Variants in ZYG11A observed in about 807,000 individuals in gnomAD.
The protein encoded by ZYG11A is protein zyg-11 homolog A.
Under a neutral mutation model 77.2 loss-of-function variants are expected in ZYG11A, and 62 were observed. The ratio of observed to expected loss-of-function variants is 0.80; its 90% CI spans 0.65 to 0.99. ZYG11A has a LOEUF of 0.99. ZYG11A is among the 50% of genes least tolerant of loss of function. The pLI is 0.00. For synonymous variants in ZYG11A, 315 were observed against 324.6 expected, an observed-to-expected ratio of 0.97 and a Z score of 0.32; for missense variants, 828 against 896.8, an observed-to-expected ratio of 0.92 and a Z score of 0.98.
intron 1 of ZYG11A, among the ~76,000 whole-genome samples, chr1:52,854,233 TCTC>T (rs1407680145): frequency 6.6e-6 from 1 of 152,102 alleles, no homozygotes; most frequent in Non-Finnish European, 1.5e-5. Flanking sequence ...CTGGAACCAA[TCTC>T]CTACAGATTT....
At chr1:52,843,724 G>C (rs1167692272) in intron 1 of ZYG11A, among the ~76,000 whole-genome samples, 5 of 127,656 alleles carry the variant, frequency 3.9e-5, no homozygotes, top group Admixed American at 2.8e-4. Context: ...GTCTCGCTCT[G>C]TCACCAGGCT....
In ZYG11A at chr1:52,857,038, C is replaced by A; in HGVS notation, c.297C>A (p.Asn99Lys). The A allele has an allele frequency of 6.5e-7, 1 of 1,546,608 alleles. No individual in the cohort carries two copies. Among genetic ancestry groups the A allele is most frequent in the Non-Finnish European group, 8.7e-7 (1 of 1,143,488 alleles). Reference sequence around the variant, plus strand: ...GAACAGCCAGCATTTTCCGAGGCAACCAAATGAAACTGAAGCTGGTCAATA... The same window carrying A: ...GAACAGCCAGCATTTTCCGAGGCAAACAAATGAAACTGAAGCTGGTCAATA... ...TDRTASIFRGNQMKLKLVNIQ... is the reference protein window; with the variant it reads ...TDRTASIFRGKQMKLKLVNIQ... Residue 99 changes from asparagine (N) to lysine (K), a missense_variant, in exon 3 of 14, where the codon AAC becomes AAA. Coordinates refer to ENST00000371528, the MANE Select transcript of ZYG11A (RefSeq NM_001004339.3).
chr1:52,873,926 A>G (rs999392838), intron 8 of ZYG11A, among the ~76,000 whole-genome samples: 3 of 151,750 alleles, frequency 2.0e-5, no homozygotes, highest in Admixed American at 1.3e-4. Flanking sequence ...GGAGGTTGCA[A>G]TGAGCCGAGA....
chr1:52,859,473 C>T (rs775747870), intron 3 of ZYG11A, among the ~76,000 whole-genome samples: 2 of 151,578 alleles, frequency 1.3e-5, no homozygotes, highest in Non-Finnish European at 2.9e-5. Context: ...GTAGCTGGGA[C>T]TATAGGCACC....
intron 8 of ZYG11A, 26 bp downstream of exon 8, chr1:52,867,803 C>T: frequency 6.5e-7 from 1 of 1,534,638 alleles, no homozygotes; most frequent in Non-Finnish European, 8.8e-7. Flanking sequence ...TGTTCATAAC[C>T]TTTTTTTAAA....
At chr1:52,851,381 A>G (rs920180985) in intron 1 of ZYG11A, among the ~76,000 whole-genome samples, 14 of 151,826 alleles carry the variant, frequency 9.2e-5, no homozygotes, top group African/African-American at 3.1e-4. Flanking sequence ...GTATGTAACC[A>G]TTACCACAGT....
intron 8 of ZYG11A, among the ~76,000 whole-genome samples, chr1:52,875,629 AGAT>A (rs888240861): frequency 6.1e-5 from 9 of 147,388 alleles, no homozygotes; most frequent in African/African-American, 2.0e-4. Context: ...ATGAAAAAGA[AGAT>A]GAAATCAAAT....
chr1:52,884,358 T>C (rs1646411409), intron 11 of ZYG11A, among the ~76,000 whole-genome samples: 1 of 151,876 alleles, frequency 6.6e-6, no homozygotes, highest in Non-Finnish European at 1.5e-5. Flanking sequence ...TAGCTGGGCG[T>C]GGTGGCGGGC....
At chr1:52,858,705 C>T (rs1164502162) in intron 3 of ZYG11A, among the ~76,000 whole-genome samples, 5 of 146,576 alleles carry the variant, frequency 3.4e-5, no homozygotes, top group East Asian at 4.2e-4. Context: ...CTTCGCCTCC[C>T]GGGTTCAAGC....
chr1:52,862,993 C>T (rs910954187), intron 4 of ZYG11A, among the ~76,000 whole-genome samples: 1 of 152,102 alleles, frequency 6.6e-6, no homozygotes, highest in Non-Finnish European at 1.5e-5. Context: ...ACTGTGTTGC[C>T]TAGGCTGAAT....
chr1:52,849,687 T>TC (rs34097386), intron 1 of ZYG11A, among the ~76,000 whole-genome samples: 71,728 of 147,190 alleles, frequency 0.49, 18,425 homozygotes, highest in Non-Finnish European at 0.59. Context: ...ATTATACATT[T>TC]CTTTTTTTTT....
At chr1:52,880,489 G>T (rs1646345278) in intron 10 of ZYG11A, among the ~76,000 whole-genome samples, 2 of 152,066 alleles carry the variant, frequency 1.3e-5, no homozygotes. Context: ...CTTGAGTGTG[G>T]ACAGGACCTG....
chr1:52,850,039 G>T (rs1462414043), intron 1 of ZYG11A, among the ~76,000 whole-genome samples: 1 of 152,054 alleles, frequency 6.6e-6, no homozygotes, highest in Non-Finnish European at 1.5e-5. Context: ...GCCTTAATTG[G>T]GGCACCATGG....
At chr1:52,869,558 G>C (rs1266591609) in intron 8 of ZYG11A, among the ~76,000 whole-genome samples, 1 of 151,710 alleles carries the variant, frequency 6.6e-6, no homozygotes, top group African/African-American at 2.4e-5. Context: ...CACAGGGTTG[G>C]GGGTAAGGTC....
At chr1:52,882,363 T>C (rs1057488227) in intron 11 of ZYG11A, among the ~76,000 whole-genome samples, 2 of 152,226 alleles carry the variant, frequency 1.3e-5, no homozygotes, top group African/African-American at 4.8e-5. Context: ...ACATATTCTG[T>C]ACACTTCACC....
chr1:52,849,059 C>G (rs1478194416), intron 1 of ZYG11A, among the ~76,000 whole-genome samples: 1 of 151,822 alleles, frequency 6.6e-6, no homozygotes, highest in Admixed American at 6.6e-5. Flanking sequence ...TTTGGAGTTT[C>G]TTTACTTCTT....
chr1:52,892,697 T>TTTC, intron 13 of ZYG11A, 85 bp from the exon 14 acceptor site: 1 of 1,199,514 alleles, frequency 8.3e-7, no homozygotes, highest in Non-Finnish European at 1.2e-6. Context: ...CTTTGTATTG[T>TTTC]TTCTTCAGCA....
In ZYG11A at chr1:52,856,926, C is replaced by G; in HGVS notation, c.257-72C>G. 4 of 1,428,950 alleles carry G rather than the reference C, an allele frequency of 2.8e-6. No individual in the cohort carries two copies. The South Asian group carries it at 6.0e-5, about 21-fold the overall frequency. The allele number at this position is 1,428,950 out of a possible 1,614,324, so 88.5% of individuals were successfully genotyped here. On this transcript the variant is annotated intron_variant, in intron 2 of 13. Transcript: ENST00000371528. ...GTTATTATTAACATCTGTCTTAATT[C>G]TTTGCCACATTTTATCCTGGAAAGA...
intron 2 of ZYG11A, among the ~76,000 whole-genome samples, chr1:52,855,629 C>T (rs906316742): frequency 1.3e-5 from 2 of 152,198 alleles, no homozygotes; most frequent in Non-Finnish European, 2.9e-5. Context: ...TATGGATTTG[C>T]CTATTCTGAA....
Sources: allele counts gnomAD v4.1 joint callset (sites outside exome capture counted in the v4.1 genomes callset), GRCh38; gene constraint gnomAD v4.1.1; transcripts MANE v1.5; gene names NCBI Gene and HGNC (gene_info 2026-07-23, HGNC 2026-07-21).